CADM2: variants seen among roughly 807,000 people sequenced by gnomAD.
CADM2 encodes the protein cell adhesion molecule 2.
In CADM2, 12 loss-of-function variants were observed where a neutral mutation model predicts 49.8. The ratio of observed to expected loss-of-function variants is 0.24; its 90% confidence interval spans 0.15 to 0.39. The LOEUF (loss-of-function observed/expected upper bound fraction) is 0.39, where lower values mean the gene tolerates loss of function less well. CADM2 is among the 10% of genes least tolerant of loss of function. The pLI is 1.00. For missense variants in CADM2, 378 were observed against 492.3 expected (o/e 0.77, Z 2.20); for synonymous variants, 214 against 175.4 (o/e 1.22, Z -1.74).
chr3:85,422,906 T>C (rs1021405234), intron 1 of CADM2, among the ~76,000 whole-genome samples: 2 of 152,054 alleles, frequency 1.3e-5, no homozygotes, highest in African/African-American at 4.8e-5. Context: ...ACAGCTTAAG[T>C]GTTAAGCAGC....
intron 1 of CADM2, among the ~76,000 whole-genome samples, chr3:85,563,796 T>TA (rs2062172352): frequency 6.6e-6 from 1 of 152,144 alleles, no homozygotes; most frequent in Non-Finnish European, 1.5e-5. Context: ...ATATAAATGA[T>TA]TGTTCTGAAA....
At chr3:85,949,537 C>T (rs1051306213) in intron 7 of CADM2, among the ~76,000 whole-genome samples, 6 of 151,302 alleles carry the variant, frequency 4.0e-5, no homozygotes, top group African/African-American at 1.4e-4. Flanking sequence ...ACCAAAACTC[C>T]TCTGTTTAAT....
At chr3:85,362,118 C>T (rs2032402737) in intron 1 of CADM2, among the ~76,000 whole-genome samples, 1 of 148,310 alleles carries the variant, frequency 6.7e-6, no homozygotes, top group Non-Finnish European at 1.5e-5. Context: ...CAGTAAGTGA[C>T]AGGACCCGCC....
At chr3:85,986,553 A>T (rs1453545610) in intron 8 of CADM2, among the ~76,000 whole-genome samples, 1 of 152,052 alleles carries the variant, frequency 6.6e-6, no homozygotes, top group African/African-American at 2.4e-5. Flanking sequence ...TCTTTTCTTG[A>T]CAAAAATTAA....
intron 1 of CADM2, among the ~76,000 whole-genome samples, chr3:84,964,877 C>T (rs1377563179): frequency 1.3e-5 from 2 of 152,134 alleles, no homozygotes; most frequent in Admixed American, 6.5e-5. Flanking sequence ...AGCACTCATA[C>T]TTTGTCAAGT....
chr3:85,808,481 C>T (rs2072600257), intron 3 of CADM2, among the ~76,000 whole-genome samples: 1 of 152,082 alleles, frequency 6.6e-6, no homozygotes, highest in Admixed American at 6.6e-5. Context: ...GTCTGTTTCT[C>T]TGCAGGTGCA....
chr3:85,767,828 A>G (rs546921085), intron 2 of CADM2, among the ~76,000 whole-genome samples: 2 of 152,298 alleles, frequency 1.3e-5, no homozygotes, highest in African/African-American at 4.8e-5. Context: ...TCAGAAATAA[A>G]ATTATAAAAG....
rs193261803 is a variant in CADM2 at position 85,187,460 on chromosome 3, G to A, written c.61+227792G>A. 2.7e-3 allele frequency among the ~76,000 whole-genome samples: 402 copies of A among 151,522 alleles called. 2 individuals carry two copies. The highest frequency in any genetic ancestry group is 9.3e-3 in the African/African-American group (384 of 41,344). Reference sequence around the variant, plus strand: ...TCTCCTCATAAGTTTTTTTTAAATGGCTATACTAAACAATAAAACTATATG... The same window carrying A: ...TCTCCTCATAAGTTTTTTTTAAATGACTATACTAAACAATAAAACTATATG... On this transcript the variant is annotated intron_variant, in intron 1 of 9. Transcript: ENST00000383699.
intron 7 of CADM2, among the ~76,000 whole-genome samples, chr3:85,936,393 A>T (rs1374597374): frequency 3.3e-5 from 5 of 151,804 alleles, no homozygotes; most frequent in Non-Finnish European, 7.4e-5. Context: ...TGATAATGTC[A>T]CTTCAACTCT....
At chr3:85,802,947 T>A (rs2072145674) in intron 3 of CADM2, among the ~76,000 whole-genome samples, 6 of 151,982 alleles carry the variant, frequency 3.9e-5, no homozygotes, top group Admixed American at 3.9e-4. Flanking sequence ...AGGATATAAA[T>A]AACTATTTAT....
intron 1 of CADM2, among the ~76,000 whole-genome samples, chr3:85,459,766 C>T (rs999406282): frequency 6.6e-6 from 1 of 152,070 alleles, no homozygotes; most frequent in Non-Finnish European, 1.5e-5. Context: ...CCTTTTGAAG[C>T]GAGACTAAAA....
chr3:85,746,012 A>G (rs2068604784), intron 2 of CADM2, among the ~76,000 whole-genome samples: 1 of 152,224 alleles, frequency 6.6e-6, no homozygotes, highest in Admixed American at 6.5e-5. Flanking sequence ...CCAGGAAATA[A>G]AAGAAGATAC....
At chr3:85,954,590 C>G (rs1406254501) in intron 7 of CADM2, among the ~76,000 whole-genome samples, 2 of 151,136 alleles carry the variant, frequency 1.3e-5, no homozygotes, top group Admixed American at 1.3e-4. Context: ...TCTTCCTCCT[C>G]AATTATTTAG....
intron 1 of CADM2, among the ~76,000 whole-genome samples, chr3:85,553,548 T>C (rs1295829640): frequency 6.6e-6 from 1 of 152,174 alleles, no homozygotes; most frequent in African/African-American, 2.4e-5. Context: ...CGGATATGTG[T>C]AAAATACATT....
At chr3:85,849,956 A>C (rs2075031641) in intron 3 of CADM2, among the ~76,000 whole-genome samples, 1 of 152,194 alleles carries the variant, frequency 6.6e-6, no homozygotes, top group Admixed American at 6.5e-5. Flanking sequence ...GATATAACTG[A>C]AGGTATTTTT....
At chr3:85,124,686 C>T (rs1450423367) in intron 1 of CADM2, among the ~76,000 whole-genome samples, 2 of 152,268 alleles carry the variant, frequency 1.3e-5, no homozygotes, top group Admixed American at 6.5e-5. Context: ...CATTCAATTA[C>T]ACCTAAGCTA....
intron 1 of CADM2, among the ~76,000 whole-genome samples, chr3:85,155,807 C>T (rs1353018122): frequency 6.6e-6 from 1 of 152,178 alleles, no homozygotes; most frequent in Non-Finnish European, 1.5e-5. Context: ...TGCTCAACTA[C>T]ATGGTAATTG....
rs73147118 is a variant in CADM2 at position 85,837,717 on chromosome 3, T to C, written c.238+35521T>C. ...CAAACAATATACTGCTTAAAAGAGC[T>C]GTACTCTGTTACTATTCTGCAGGTA... On this transcript the variant is annotated intron_variant, in intron 3 of 9. Transcript: ENST00000383699. Among the ~76,000 whole-genome samples the C allele has an allele frequency of 6.1e-3, 933 of 151,896 alleles. 3 individuals are homozygous for C. Among genetic ancestry groups the C allele is most frequent in the Non-Finnish European group, 0.01 (679 of 67,808 alleles).
chr3:86,014,165 A>G, intron 8 of CADM2: 1 of 1,291,566 alleles, frequency 7.7e-7, no homozygotes, highest in Non-Finnish European at 1.1e-6. Flanking sequence ...TCCTGCAAGC[A>G]CTTGTTTTAG....
Sources: allele counts gnomAD v4.1 joint callset (sites outside exome capture counted in the v4.1 genomes callset), GRCh38; gene constraint gnomAD v4.1.1; transcripts MANE v1.5; gene names NCBI Gene and HGNC (gene_info 2026-07-23, HGNC 2026-07-21).